Variants in GMPS observed in about 807,000 individuals in gnomAD.
The protein encoded by GMPS is guanosine monophosphate synthase, also known as GMP synthase [glutamine-hydrolyzing].
Under a neutral mutation model 77.9 loss-of-function variants are expected in GMPS, and 15 were observed. The ratio of observed to expected loss-of-function variants is 0.19; its 90% CI spans 0.13 to 0.30. The LOEUF is 0.30. Among genes scored for constraint, GMPS ranks in the 10% least tolerant of loss-of-function variants. The probability of loss-of-function intolerance (pLI) is 1.00; values close to 1 mark genes in which losing one functional copy is unlikely to be tolerated. For missense variants in GMPS, 590 were observed against 838.8 expected (o/e 0.70, Z 3.66); for synonymous variants, 224 against 275.9 (o/e 0.81, Z 1.86).
At chr3:155,922,135 A>G (rs898804081) in intron 10 of GMPS, 52 bp from the exon 11 acceptor site, 32 of 706,140 alleles carry the variant, frequency 4.5e-5, no homozygotes, top group Non-Finnish European at 7.0e-5. Context: ...TTAGATTTTT[A>G]TATTAGAAAT....
chr3:155,930,713 C>T (rs904538035), intron 12 of GMPS, among the ~76,000 whole-genome samples: 2 of 152,230 alleles, frequency 1.3e-5, no homozygotes, highest in East Asian at 1.9e-4. Context: ...GATACTTAAA[C>T]ACGTTGATAA....
intron 12 of GMPS, among the ~76,000 whole-genome samples, chr3:155,926,874 T>C (rs1002628944): frequency 4.4e-4 from 67 of 151,772 alleles, no homozygotes; most frequent in African/African-American, 1.6e-3. Flanking sequence ...ATTAGCCGGG[T>C]GTGGTGGTGC....
At chr3:155,908,140 T>C (rs1016358568) in intron 5 of GMPS, among the ~76,000 whole-genome samples, 2 of 152,204 alleles carry the variant, frequency 1.3e-5, no homozygotes, top group African/African-American at 4.8e-5. Flanking sequence ...TAGGAATTTA[T>C]TGTAGTAATC....
chr3:155,926,150 T>C (rs542488656), intron 12 of GMPS, among the ~76,000 whole-genome samples: 33 of 152,254 alleles, frequency 2.2e-4, no homozygotes, highest in Admixed American at 3.9e-4. Flanking sequence ...TAGCTGGGAC[T>C]ACAGGCAAGC....
rs1303045237 is a variant in GMPS, at chr3:155,938,183, A to G, written c.*491A>G. 2 of 221,748 alleles carry G rather than the reference A, an allele frequency of 9.0e-6. No homozygotes were observed. The highest frequency in any genetic ancestry group is 6.6e-5 in the East Asian group (1 of 15,096). 13.7% of individuals were successfully genotyped at this position (221,748 alleles called of 1,614,324 possible). ...AGAGATGAACATATCAGATAAAGGTATAGGTGGGCTATTCCAGCCACTTTT... is the reference window on the plus strand; with the variant it reads ...AGAGATGAACATATCAGATAAAGGTGTAGGTGGGCTATTCCAGCCACTTTT... On this transcript the variant is annotated 3_prime_UTR_variant, in exon 16 of 16. Coordinates refer to ENST00000496455, the MANE Select transcript of GMPS (RefSeq NM_003875.3).
At chr3:155,912,406 A>G (rs960991322) in intron 7 of GMPS, among the ~76,000 whole-genome samples, 24 of 152,366 alleles carry the variant, frequency 1.6e-4, no homozygotes, top group East Asian at 9.6e-4. Context: ...AAGGTCCCCA[A>G]TGGTATCTTC....
intron 6 of GMPS, 45 bp from the exon 7 acceptor site, chr3:155,911,069 T>C (rs1433424546): frequency 6.8e-7 from 1 of 1,479,114 alleles, no homozygotes. Flanking sequence ...GTTTATTTTC[T>C]TTTTGCTTGT....
At position 155,870,905 on chromosome 3, in the gene GMPS, TG is replaced by T; in HGVS notation, c.27+13del. 6.7e-7 allele frequency: 1 copy of T among 1,499,508 alleles called. No homozygotes were observed. Among genetic ancestry groups the T allele is most frequent in the Non-Finnish European group, 8.9e-7 (1 of 1,127,502 alleles). 92.9% of individuals were successfully genotyped at this position (1,499,508 alleles called of 1,614,324 possible). A position where few individuals can be genotyped will look rare whatever the true frequency, so the allele number is the denominator to read the frequency against. On this transcript the variant is annotated intron_variant, in intron 1 of 15. Coordinates refer to ENST00000496455, the MANE Select transcript of GMPS (RefSeq NM_003875.3). ...TGCAACGGAGACTCCAAGGTCAGCG[TG>T]GGGGTCCCTGCAGCACCGCATCCCG...
At chr3:155,893,413 C>T in intron 1 of GMPS, 105 bp from the exon 2 acceptor site, 1 of 706,542 alleles carries the variant, frequency 1.4e-6, no homozygotes, top group Non-Finnish European at 2.3e-6. Context: ...CCTAAGTTTT[C>T]ATTCCTATGT....
chr3:155,892,891 C>CA lies in GMPS; in HGVS notation c.28-624dup, dbSNP rs1340270020. On this transcript the variant is annotated intron_variant, in intron 1 of 15. Coordinates refer to ENST00000496455, the MANE Select transcript of GMPS (RefSeq NM_003875.3). Reference sequence around the variant, plus strand: ...AGGTAATCCACCTGCCTTGGCCTCCCAAAGTGCTGGGATTACAGGCGTGAG... The same window carrying CA: ...AGGTAATCCACCTGCCTTGGCCTCCCAAAAGTGCTGGGATTACAGGCGTGAG... Among the ~76,000 whole-genome samples, 11 of 152,204 alleles carry CA rather than the reference C, an allele frequency of 7.2e-5. No homozygotes were observed. In the South Asian group the frequency reaches 8.3e-4, roughly 11 times the overall value.
rs1470168465 is a variant in GMPS, at chr3:155,911,201, A to T, written c.808A>T (p.Ile270Phe). The T allele has an allele frequency of 1.9e-6, 3 of 1,612,844 alleles. No individual in the cohort carries two copies. The highest frequency in any genetic ancestry group is 1.1e-5 in the South Asian group (1 of 91,018). The change falls in exon 7 of 16, where the codon ATT (isoleucine) becomes TTT (phenylalanine). Residue 270 changes from isoleucine (I) to phenylalanine (F), a missense_variant. By Grantham distance (21) the Ile-to-Phe change is conservative. Around this residue, in one of 6 missense-constraint regions of GMPS, gnomAD observed 181 missense variants for 186.8 expected, o/e 0.97. Transcript: ENST00000496455. ...CCAAGAACAAGTCATTGCTGTGCAC[A>T]TTGATAATGGCTTTATGAGAAAACG... ...LNQEQVIAVH[I>F]DNGFMRKRES...
chr3:155,892,140 A>G (rs1754487000), intron 1 of GMPS, among the ~76,000 whole-genome samples: 2 of 152,130 alleles, frequency 1.3e-5, no homozygotes, highest in Non-Finnish European at 1.5e-5. Flanking sequence ...AAAATATAAA[A>G]TCACTTATAG....
intron 12 of GMPS, among the ~76,000 whole-genome samples, chr3:155,930,787 G>A (rs1413480447): frequency 6.6e-6 from 1 of 152,028 alleles, no homozygotes; most frequent in African/African-American, 2.4e-5. Flanking sequence ...AAAAAACACA[G>A]GCAGATCTTG....
chr3:155,872,054 CTTAAT>C (rs1408469927), intron 1 of GMPS, among the ~76,000 whole-genome samples: 1 of 152,108 alleles, frequency 6.6e-6, no homozygotes, highest in African/African-American at 2.4e-5. Flanking sequence ...TAGGAAAAAA[CTTAAT>C]TAAATTTCAT....
At chr3:155,928,083 G>A (rs528760508) in intron 12 of GMPS, among the ~76,000 whole-genome samples, 1 of 124,180 alleles carries the variant, frequency 8.1e-6, no homozygotes, top group East Asian at 2.5e-4. Context: ...CTGGAGCACA[G>A]TGGCTTGATC....
chr3:155,903,070 CAG>C (rs1754768580), intron 3 of GMPS, among the ~76,000 whole-genome samples: 1 of 152,078 alleles, frequency 6.6e-6, no homozygotes, highest in Non-Finnish European at 1.5e-5. Flanking sequence ...TATTTTCTGT[CAG>C]GGGATGGGTC....
intron 5 of GMPS, among the ~76,000 whole-genome samples, chr3:155,909,241 GC>G (rs1335566100): frequency 6.6e-6 from 1 of 152,126 alleles, no homozygotes; most frequent in Non-Finnish European, 1.5e-5. Context: ...AACATCTATT[GC>G]CCCATAGGTA....
In GMPS at chr3:155,931,848, G is replaced by A. The variant is rs758178704; in HGVS notation, c.1644G>A (p.Arg548=). The A allele has an allele frequency of 1.3e-6, 2 of 1,582,570 alleles. No homozygotes were observed. Among genetic ancestry groups the A allele is most frequent in the Admixed American group, 1.7e-5 (1 of 59,924 alleles). The part of the protein sequence containing the change: ...PDWESLIFLA[R]LIPRMCHNVN... Reference sequence around the variant, plus strand: ...GGGAATCACTTATTTTTCTGGCTAGGCTTATACCTCGCATGTGTCACAACG... The same window carrying A: ...GGGAATCACTTATTTTTCTGGCTAGACTTATACCTCGCATGTGTCACAACG... Residue 548 remains arginine, a synonymous_variant, in exon 13 of 16, where the codon AGG becomes AGA. Coordinates refer to ENST00000496455, the MANE Select transcript of GMPS (RefSeq NM_003875.3).
chr3:155,933,374 G>A (rs3772116), intron 13 of GMPS, among the ~76,000 whole-genome samples: 59,680 of 151,908 alleles, frequency 0.39, 14,358 homozygotes, highest in Non-Finnish European at 0.52. Flanking sequence ...TATAGTGTGG[G>A]TAAATACCTG....
Sources: gnomAD v4.1 joint callset for allele counts (sites outside exome capture counted in the v4.1 genomes callset) on GRCh38, gnomAD v4.1.1 for gene constraint, gnomAD v4.1.1 regional missense constraint, MANE v1.5 for transcripts, NCBI Gene and HGNC (gene_info 2026-07-23, HGNC 2026-07-21) for gene names.